The following TMEM181 variants were observed in gnomAD, a reference collection of about 807,000 sequenced individuals.
TMEM181 encodes the protein G protein-coupled receptor 178.
In TMEM181, 39 loss-of-function variants were observed where a neutral mutation model predicts 71.9. That is an observed-to-expected ratio of 0.54 (90% CI 0.42 to 0.71). TMEM181 has a LOEUF of 0.71. TMEM181 is among the 30% of genes least tolerant of loss of function. The probability of loss-of-function intolerance (pLI) is 0.00; values close to 1 mark genes in which losing one functional copy is unlikely to be tolerated. For synonymous variants in TMEM181, 245 were observed against 228.8 expected, an observed-to-expected ratio of 1.07 and a Z score of -0.64; for missense variants, 595 against 583.0, an observed-to-expected ratio of 1.02 and a Z score of -0.21.
At position 158,628,130 on chromosome 6, in the gene TMEM181, A is replaced by G. The variant is rs1440870822; in HGVS notation, c.1110-278A>G. 1.3e-5 allele frequency: 8 copies of G among 599,408 alleles called. No homozygotes were observed. The East Asian group carries it at 2.6e-4, about 20-fold the overall frequency. The allele number at this position is 599,408 out of a possible 1,614,324, so 37.1% of individuals were successfully genotyped here. ...GGAGGCTTCAAGGCCCCGAGTAGGG[A>G]GAGTGTGATGGGGCCTGCAGCAGGG... On this transcript the variant is annotated intron_variant, in intron 13 of 16. Transcript: ENST00000684151.
At chr6:158,558,339 C>T (rs562689597), upstream of TMEM181, among the ~76,000 whole-genome samples, 3 of 152,194 alleles carry the variant, frequency 2.0e-5, no homozygotes, top group East Asian at 1.9e-4. Context: ...GATATTTTTT[C>T]GAATTAGTTT....
chr6:158,575,126 A>G (rs948330531), intron 2 of TMEM181, among the ~76,000 whole-genome samples: 1 of 152,240 alleles, frequency 6.6e-6, no homozygotes, highest in African/African-American at 2.4e-5. Flanking sequence ...AACGACCCAC[A>G]GACACAATAG....
At chr6:158,619,700 C>T (rs1785842160) in intron 10 of TMEM181, among the ~76,000 whole-genome samples, 1 of 152,048 alleles carries the variant, frequency 6.6e-6, no homozygotes, top group Admixed American at 6.6e-5. Flanking sequence ...GAAATGCCGT[C>T]TGTACTAAAA....
At position 158,631,823 on chromosome 6, in the gene TMEM181, G is replaced by A. The variant is rs1786680173; in HGVS notation, c.1363G>A (p.Glu455Lys). The change falls in exon 17 of 17, where the codon GAA (glutamate) becomes AAA (lysine). Residue 455 changes from glutamate (E) to lysine (K), a missense_variant. Glu to Lys is a moderately conservative substitution (Grantham distance 56). Transcript: ENST00000684151. ...CTTTGCTCACAGGAGTGACTATGAG[G>A]AAATGCCGCTGCAGAACGGCCAGGC... ...DDVIYGSDYE[E>K]MPLQNGQAIR... 6.2e-7 allele frequency: 1 copy of A among 1,600,118 alleles called. No individual in the cohort carries two copies. The highest frequency in any genetic ancestry group is 2.3e-5 in the East Asian group (1 of 44,364).
In TMEM181 at chr6:158,623,532, T is replaced by C; in HGVS notation, c.897-18T>C. ...AGGTAGTTATTAATCTATAATTATTTATAATGTCAATTTTTAGAGTTAACG... is the reference window on the plus strand; with the variant it reads ...AGGTAGTTATTAATCTATAATTATTCATAATGTCAATTTTTAGAGTTAACG... On this transcript the variant is annotated intron_variant, in intron 10 of 16. Coordinates refer to ENST00000684151, the MANE Select transcript of TMEM181 (RefSeq NM_001376852.1). 2 of 1,480,624 alleles carry C rather than the reference T, an allele frequency of 1.4e-6. No individual in the cohort carries two copies. Among genetic ancestry groups the C allele is most frequent in the Non-Finnish European group, 1.8e-6 (2 of 1,090,750 alleles). 91.7% of individuals were successfully genotyped at this position (1,480,624 alleles called of 1,614,324 possible).
chr6:158,610,966 C>T, intron 10 of TMEM181: 1 of 433,458 alleles, frequency 2.3e-6, no homozygotes, highest in Non-Finnish European at 4.5e-6. Context: ...GTGGAGATCT[C>T]CAGATCAGAC....
upstream of TMEM181, among the ~76,000 whole-genome samples, chr6:158,556,973 C>G (rs1419368318): frequency 6.6e-6 from 1 of 152,154 alleles, no homozygotes; most frequent in Non-Finnish European, 1.5e-5. Flanking sequence ...CTCCTGAGCT[C>G]AAGTGATCCG....
Position 158,608,546 on chromosome 6 carries a change from G to T in TMEM181, c.804+83G>T, listed in dbSNP as rs531944704. On this transcript the variant is annotated intron_variant, in intron 9 of 16. Coordinates refer to ENST00000684151, the MANE Select transcript of TMEM181 (RefSeq NM_001376852.1). ...AACTCTGAGGACAGCCCAGAAAGGT[G>T]AATTTATCCATGGAAGCCTGTCTGC... The T allele has an allele frequency of 5.2e-5, 83 of 1,608,202 alleles. No individual in the cohort carries two copies. The African/African-American group carries it at 1.0e-3, about 20-fold the overall frequency.
chr6:158,536,836 C>T (rs1781125448), exon 1 of TMEM181: 6 of 1,538,314 alleles, frequency 3.9e-6, no homozygotes, highest in Non-Finnish European at 5.2e-6. Context: ...AGGAGGACCT[C>T]ACGCCCTTCA....
At position 158,536,789 on chromosome 6, in the gene TMEM181, C is replaced by T. The variant is rs761783757; in HGVS notation, c.55C>T (p.Leu19=). The change falls in exon 1 of 17, where the codon CTG becomes TTG. Residue 19 remains leucine (L), a synonymous_variant. Coordinates refer to the TMEM181 transcript ENST00000367090. ...CCCGCTCTGCAGCGAGCTCAAGCAC[C>T]TGTGCCGGCGGCTGCGGGAAGCGTA... is the stretch of plus-strand genomic sequence containing the variant. The T allele has an allele frequency of 1.6e-5, 25 of 1,568,028 alleles. No homozygotes were observed. The Middle Eastern group carries it at 6.9e-4, about 43-fold the overall frequency.
chr6:158,631,541 A>G, intron 16 of TMEM181, 152 bp downstream of exon 16: 1 of 918,094 alleles, frequency 1.1e-6, no homozygotes, highest in Non-Finnish European at 1.7e-6. Context: ...CTGTTTTCAC[A>G]GTATTCAGGC....
At chr6:158,617,716 T>A (rs888416209) in intron 10 of TMEM181, among the ~76,000 whole-genome samples, 4 of 152,236 alleles carry the variant, frequency 2.6e-5, no homozygotes, top group East Asian at 1.9e-4. Context: ...TCTTTATTTC[T>A]GCCTTCATTT....
At chr6:158,618,092 A>G (rs1156397602) in intron 10 of TMEM181, among the ~76,000 whole-genome samples, 1 of 152,180 alleles carries the variant, frequency 6.6e-6, no homozygotes, top group Non-Finnish European at 1.5e-5. Context: ...AAAGTCTCCC[A>G]TTATTATTGT....
chr6:158,585,470 A>G, intron 5 of TMEM181, 45 bp downstream of exon 5: 1 of 1,447,360 alleles, frequency 6.9e-7, no homozygotes, highest in Non-Finnish European at 9.1e-7. Context: ...CAGGCTGTGT[A>G]CACGTTTAAT....
intron 10 of TMEM181, among the ~76,000 whole-genome samples, chr6:158,618,248 CTT>C (rs767771741): frequency 6.6e-6 from 1 of 152,132 alleles, no homozygotes; most frequent in Non-Finnish European, 1.5e-5. Flanking sequence ...TTCTTTGTCT[CTT>C]TTGATCTTTG....
chr6:158,597,094 G>T (rs376085282), intron 6 of TMEM181, among the ~76,000 whole-genome samples: 2 of 152,156 alleles, frequency 1.3e-5, no homozygotes, highest in Admixed American at 1.3e-4. Context: ...GCCCCTTCCT[G>T]CCTGAGCCTG....
chr6:158,547,256 T>G (rs1354349513), intron 1 of TMEM181, among the ~76,000 whole-genome samples: 1 of 152,226 alleles, frequency 6.6e-6, no homozygotes. Context: ...CACTTCAGCC[T>G]GGGCAACAGA....
chr6:158,576,083 A>G (rs1275928181), intron 2 of TMEM181, among the ~76,000 whole-genome samples: 1 of 152,204 alleles, frequency 6.6e-6, no homozygotes, highest in Non-Finnish European at 1.5e-5. Flanking sequence ...CTACTTAGCC[A>G]ACAGCTGCAG....
chr6:158,593,001 CAT>C (rs1270925772), intron 6 of TMEM181, among the ~76,000 whole-genome samples: 2 of 152,158 alleles, frequency 1.3e-5, no homozygotes, highest in Non-Finnish European at 2.9e-5. Flanking sequence ...TTCTCATACA[CAT>C]GAGTGGGGGG....
Sources: allele counts gnomAD v4.1 joint callset (sites outside exome capture counted in the v4.1 genomes callset), GRCh38; gene constraint gnomAD v4.1.1; transcripts MANE v1.5; gene names NCBI Gene and HGNC (gene_info 2026-07-23, HGNC 2026-07-21).